PARD3: variants seen among roughly 807,000 people sequenced by gnomAD.
PARD3 encodes par-3 family cell polarity regulator.
A neutral mutation model predicts 155.4 loss-of-function variants in PARD3; 75 were observed. The observed-to-expected ratio is 0.48, with a 90% confidence interval of 0.40 to 0.58. The LOEUF (loss-of-function observed/expected upper bound fraction) is 0.58, where lower values mean the gene tolerates loss of function less well. Ranked by LOEUF, PARD3 falls within the 20% of genes least tolerant of loss-of-function variation. The pLI is 0.00. For missense variants in PARD3, 1,642 were observed against 1,721.7 expected (o/e 0.95, Z 0.82); for synonymous variants, 576 against 610.5 (o/e 0.94, Z 0.83).
At chr10:34,574,852 T>A (rs986433119) in intron 2 of PARD3, among the ~76,000 whole-genome samples, 8 of 152,186 alleles carry the variant, frequency 5.3e-5, no homozygotes, top group African/African-American at 1.7e-4. Flanking sequence ...AAAACTAAGT[T>A]CCTAAGCAGC....
chr10:34,271,312 A>G (rs1955600958), intron 21 of PARD3, among the ~76,000 whole-genome samples: 1 of 152,178 alleles, frequency 6.6e-6, no homozygotes. Context: ...TTAATGAAAT[A>G]TTAGTAAATG....
intron 1 of PARD3, among the ~76,000 whole-genome samples, chr10:34,706,937 G>T (rs1326565080): frequency 1.3e-5 from 2 of 151,920 alleles, no homozygotes; most frequent in African/African-American, 2.4e-5. Flanking sequence ...GTGAGATCCT[G>T]TCTCCACAAA....
intron 1 of PARD3, among the ~76,000 whole-genome samples, chr10:34,738,698 T>C (rs546473813): frequency 6.6e-6 from 1 of 152,116 alleles, no homozygotes; most frequent in Admixed American, 6.5e-5. Context: ...GAGTGAGCTG[T>C]GTTCACGCCA....
chr10:34,544,419 G>A (rs1048596635), intron 2 of PARD3, among the ~76,000 whole-genome samples: 10 of 152,146 alleles, frequency 6.6e-5, no homozygotes, highest in African/African-American at 1.9e-4. Flanking sequence ...TGGGGCATAT[G>A]GCACTATATA....
At chr10:34,699,536 A>T (rs2094235451) in intron 1 of PARD3, among the ~76,000 whole-genome samples, 1 of 152,234 alleles carries the variant, frequency 6.6e-6, no homozygotes, top group Non-Finnish European at 1.5e-5. Context: ...GGAAGAGTCC[A>T]GTATCCAGTG....
At chr10:34,121,614 G>T (rs1947009621) in intron 23 of PARD3, among the ~76,000 whole-genome samples, 2 of 152,202 alleles carry the variant, frequency 1.3e-5, no homozygotes, top group South Asian at 4.1e-4. Flanking sequence ...AGCACAGAAA[G>T]AAATCAAGCA....
chr10:34,802,952 A>C (rs1842951683), intron 1 of PARD3, among the ~76,000 whole-genome samples: 1 of 151,708 alleles, frequency 6.6e-6, no homozygotes, highest in African/African-American at 2.4e-5. Flanking sequence ...CCGACCAGGC[A>C]CGGTGACTCA....
At chr10:34,458,776 A>G (rs2077468456) in intron 4 of PARD3, among the ~76,000 whole-genome samples, 1 of 152,216 alleles carries the variant, frequency 6.6e-6, no homozygotes, top group Admixed American at 6.5e-5. Flanking sequence ...ACTGAAGGAC[A>G]GAGCCTAAAG....
Position 34,556,047 on chromosome 10 carries a change from C to A in PARD3, c.223-38888G>T, listed in dbSNP as rs115083669. 2.9e-3 allele frequency among the ~76,000 whole-genome samples: 446 copies of A among 152,232 alleles called. 1 individual carries two copies. Among genetic ancestry groups the A allele is most frequent in the African/African-American group, 0.01 (426 of 41,538 alleles). The stretch of plus-strand genomic sequence containing the variant: ...GCAACACTAGTCAGACAAACTGTAA[C>A]AAGGAAATAGAGCATTAAAGAAAGC... On this transcript the variant is annotated intron_variant, in intron 2 of 24. Transcript: ENST00000374788.
At chr10:34,648,693 G>A (rs567570967) in intron 2 of PARD3, among the ~76,000 whole-genome samples, 1 of 152,188 alleles carries the variant, frequency 6.6e-6, no homozygotes, top group Non-Finnish European at 1.5e-5. Flanking sequence ...ACCTCCTGCT[G>A]TGCAGCCTGG....
intron 16 of PARD3, among the ~76,000 whole-genome samples, chr10:34,340,178 A>G (rs1470789335): frequency 1.3e-5 from 2 of 152,200 alleles, no homozygotes; most frequent in African/African-American, 4.8e-5. Context: ...AATTAATGCC[A>G]CAATCTATCC....
intron 2 of PARD3, among the ~76,000 whole-genome samples, chr10:34,576,126 G>A (rs905851370): frequency 6.6e-6 from 1 of 152,176 alleles, no homozygotes; most frequent in African/African-American, 2.4e-5. Context: ...TACAGGGTAA[G>A]CCCTCCCCCA....
At chr10:34,782,294 G>C (rs1306610209) in intron 1 of PARD3, among the ~76,000 whole-genome samples, 3 of 152,198 alleles carry the variant, frequency 2.0e-5, no homozygotes, top group Non-Finnish European at 2.9e-5. Flanking sequence ...TAAGACAGCA[G>C]AGGCAGAATC....
At chr10:34,283,118 T>C (rs982767291) in intron 21 of PARD3, among the ~76,000 whole-genome samples, 2 of 152,104 alleles carry the variant, frequency 1.3e-5, no homozygotes, top group African/African-American at 4.8e-5. Flanking sequence ...CTCTTTTAAA[T>C]AAAACTGTTG....
At chr10:34,565,422 C>T (rs945638418) in intron 2 of PARD3, among the ~76,000 whole-genome samples, 3 of 151,600 alleles carry the variant, frequency 2.0e-5, no homozygotes, top group Non-Finnish European at 4.4e-5. Context: ...CGTGAGATAC[C>T]ACAACCAGCT....
At chr10:34,539,662 A>G (rs1375404017) in intron 2 of PARD3, among the ~76,000 whole-genome samples, 1 of 152,236 alleles carries the variant, frequency 6.6e-6, no homozygotes, top group Admixed American at 6.5e-5. Context: ...CTCCGTCTCA[A>G]AAAGAAAGTA....
intron 2 of PARD3, among the ~76,000 whole-genome samples, chr10:34,626,042 T>G (rs965081401): frequency 6.6e-5 from 10 of 152,222 alleles, no homozygotes; most frequent in African/African-American, 2.4e-4. Flanking sequence ...ATCTTCAAAC[T>G]GCCCAGTAGT....
At position 34,666,777 on chromosome 10, in the gene PARD3, TAAAAAAAAA is replaced by T. The variant is rs771593408; in HGVS notation, c.222+29532_222+29540del. Among the ~76,000 whole-genome samples the T allele has an allele frequency of 9.4e-4, 16 of 17,058 alleles. 1 individual carries two copies. Among genetic ancestry groups the T allele is most frequent in the African/African-American group, 2.3e-3 (16 of 7,048 alleles). The allele number at this position is 17,058 out of a possible 152,430, so 11.2% of individuals were successfully genotyped here. A position where few individuals can be genotyped will look rare whatever the true frequency, so the allele number is the denominator to read the frequency against. ...CTTCCACCTCACCTACCCCTCCCCC[TAAAAAAAAA>T]AAAAAAAAAAATATATATATATATA... is the stretch of plus-strand genomic sequence containing the variant. On this transcript the variant is annotated intron_variant, in intron 2 of 24. Coordinates refer to ENST00000374788, the MANE Select transcript of PARD3 (RefSeq NM_001184785.2).
chr10:34,374,756 A>T lies in PARD3; in HGVS notation c.1668+118T>A, dbSNP rs1399861701. On this transcript the variant is annotated intron_variant, in intron 11 of 24. Transcript: ENST00000374788. ...TTGTATTCAGTGAGGGCTGAAAGAA[A>T]TATAAGATCTAGAAACTCCTCAGAA... 5.2e-6 allele frequency: 5 copies of T among 953,364 alleles called. No homozygotes were observed. In the East Asian group the frequency reaches 1.2e-4, roughly 23 times the overall value. The allele number at this position is 953,364 out of a possible 1,614,324, so 59.1% of individuals were successfully genotyped here. A position where few individuals can be genotyped will look rare whatever the true frequency, so the allele number is the denominator to read the frequency against.
Sources: gnomAD v4.1 joint callset for allele counts (sites outside exome capture counted in the v4.1 genomes callset) on GRCh38, gnomAD v4.1.1 for gene constraint, MANE v1.5 for transcripts, NCBI Gene and HGNC (gene_info 2026-07-23, HGNC 2026-07-21) for gene names.